LMO7: variants seen among roughly 807,000 people sequenced by gnomAD.
LMO7 encodes the protein LIM domain 7, also known as LIM domain only protein 7.
A neutral mutation model predicts 206.5 loss-of-function variants in LMO7; 120 were observed. That is an observed-to-expected ratio of 0.58 (90% CI 0.50 to 0.68). The LOEUF is 0.68. Ranked by LOEUF, LMO7 falls within the 30% of genes least tolerant of loss-of-function variation. LMO7 has a pLI of 0.00. For missense variants in LMO7, 1,959 were observed against 1,957.9 expected, an observed-to-expected ratio of 1.00 and a Z score of -0.01; for synonymous variants, 706 against 681.5, an observed-to-expected ratio of 1.04 and a Z score of -0.56.
intron 2 of LMO7, among the ~76,000 whole-genome samples, chr13:75,630,799 C>T (rs1225646468): frequency 6.7e-6 from 1 of 150,226 alleles, no homozygotes; most frequent in African/African-American, 2.4e-5. Flanking sequence ...TTATACACTG[C>T]CTGTTTTCTT....
At chr13:75,717,302 G>T (rs1021198322) in intron 2 of LMO7, among the ~76,000 whole-genome samples, 2 of 148,788 alleles carry the variant, frequency 1.3e-5, no homozygotes, top group African/African-American at 5.0e-5. Context: ...GGCGGAGCTT[G>T]CAGTGAGTGG....
chr13:75,795,537 A>G (rs1252136838), intron 5 of LMO7, 106 bp downstream of exon 5: 39 of 771,148 alleles, frequency 5.1e-5, no homozygotes, highest in Non-Finnish European at 2.4e-5. Flanking sequence ...TTTCTAATTA[A>G]TTTTTTGCTA....
intron 15 of LMO7, 86 bp from the exon 16 acceptor site, chr13:75,832,965 T>C (rs1299798137): frequency 2.5e-5 from 18 of 728,846 alleles, no homozygotes; most frequent in Non-Finnish European, 4.3e-5. Flanking sequence ...CTACCTAGCG[T>C]GCAGTCTCCC....
intron 3 of LMO7, among the ~76,000 whole-genome samples, chr13:75,737,479 C>T (rs535666856): frequency 6.7e-5 from 10 of 149,658 alleles, no homozygotes; most frequent in Non-Finnish European, 1.0e-4. Flanking sequence ...CTTGGCCGGG[C>T]GCGGTGGCTC....
intron 4 of LMO7, among the ~76,000 whole-genome samples, chr13:75,764,208 T>C (rs1405242710): frequency 6.6e-6 from 1 of 152,150 alleles, no homozygotes; most frequent in African/African-American, 2.4e-5. Flanking sequence ...TAAGCAAATT[T>C]ATGATTTAGT....
intron 1 of LMO7, among the ~76,000 whole-genome samples, chr13:75,689,572 T>G (rs2041288111): frequency 6.6e-6 from 1 of 152,162 alleles, no homozygotes. Flanking sequence ...AGACCCACCC[T>G]CAATCTGGGT....
At chr13:75,751,817 G>T (rs2047291119) in intron 3 of LMO7, among the ~76,000 whole-genome samples, 1 of 152,160 alleles carries the variant, frequency 6.6e-6, no homozygotes, top group African/African-American at 2.4e-5. Context: ...GGTCTAACTG[G>T]CTTGATCTTA....
intron 1 of LMO7, among the ~76,000 whole-genome samples, chr13:75,669,786 C>A (rs187893537): frequency 6.6e-6 from 1 of 152,024 alleles, no homozygotes; most frequent in Non-Finnish European, 1.5e-5. Flanking sequence ...ACTTATTTTT[C>A]CCTTTATTTT....
At chr13:75,770,081 G>A (rs781662985) in intron 4 of LMO7, among the ~76,000 whole-genome samples, 10 of 151,840 alleles carry the variant, frequency 6.6e-5, no homozygotes, top group South Asian at 2.1e-4. Flanking sequence ...TAGAGCACAC[G>A]CACACATTAT....
intron 7 of LMO7, among the ~76,000 whole-genome samples, chr13:75,803,914 G>C (rs2055103797): frequency 6.6e-6 from 1 of 151,718 alleles, no homozygotes; most frequent in Admixed American, 6.6e-5. Context: ...AGTTCTCCCA[G>C]AATTATTTTT....
At chr13:75,717,060 T>TCA (rs964522914) in intron 2 of LMO7, among the ~76,000 whole-genome samples, 10 of 151,818 alleles carry the variant, frequency 6.6e-5, no homozygotes, top group African/African-American at 2.4e-4. Context: ...AACACATGAC[T>TCA]CACAGTAAGA....
chr13:75,663,523 CG>C (rs1485401553), intron 1 of LMO7, among the ~76,000 whole-genome samples: 13 of 149,464 alleles, frequency 8.7e-5, no homozygotes, highest in Admixed American at 5.4e-4. Context: ...CTCTGCCTCC[CG>C]GGTTCACACC....
intron 1 of LMO7, among the ~76,000 whole-genome samples, chr13:75,702,187 A>T (rs2042328843): frequency 6.6e-6 from 1 of 152,062 alleles, no homozygotes; most frequent in Non-Finnish European, 1.5e-5. Flanking sequence ...TTATAAAGAC[A>T]GTTAGCTTTT....
chr13:75,727,006 A>T (rs1417534754), intron 2 of LMO7, 23 bp from the exon 3 acceptor site: 1 of 1,331,074 alleles, frequency 7.5e-7, no homozygotes, highest in Non-Finnish European at 1.1e-6. Context: ...TTGTAATTGC[A>T]TCTGTTATTT....
rs1269290100 is a variant in LMO7, at chr13:75,858,875, GT to G, written c.*933del. The G allele has an allele frequency of 1.3e-5, 2 of 152,160 alleles. No individual in the cohort carries two copies. The highest frequency in any genetic ancestry group is 1.3e-4 in the Admixed American group (2 of 15,260). 9.4% of individuals were successfully genotyped at this position (152,160 alleles called of 1,614,324 possible). ...TGTATACCTTCGAAACTATGCCACA[GT>G]CTGGATGTGTTTACTGAAACATTTT... On this transcript the variant is annotated 3_prime_UTR_variant, in exon 31 of 31. Coordinates refer to ENST00000377534, the MANE Select transcript of LMO7 (RefSeq NM_001306080.2).
chr13:75,696,287 G>A (rs1245840707), intron 1 of LMO7, among the ~76,000 whole-genome samples: 2 of 152,088 alleles, frequency 1.3e-5, no homozygotes, highest in East Asian at 3.9e-4. Context: ...CCTGGGAGGC[G>A]CAGGTTGCAG....
chr13:75,749,711 G>A (rs1344082352), intron 3 of LMO7, among the ~76,000 whole-genome samples: 1 of 152,108 alleles, frequency 6.6e-6, no homozygotes, highest in African/African-American at 2.4e-5. Context: ...GTGTCTCTTG[G>A]CAATTCCTTT....
chr13:75,776,182 T>TATATATCGG (rs2050434043), intron 4 of LMO7, among the ~76,000 whole-genome samples: 1 of 78,370 alleles, frequency 1.3e-5, no homozygotes, highest in African/African-American at 5.2e-5. Flanking sequence ...TATATATATA[T>TATATATCGG]ATATATATAT....
At chr13:75,727,753 C>A (rs1271212411) in intron 3 of LMO7, among the ~76,000 whole-genome samples, 1 of 151,342 alleles carries the variant, frequency 6.6e-6, no homozygotes, top group Non-Finnish European at 1.5e-5. Flanking sequence ...TTAGGTATAT[C>A]TCCTAATGCT....
Sources: allele counts gnomAD v4.1 joint callset (sites outside exome capture counted in the v4.1 genomes callset), GRCh38; gene constraint gnomAD v4.1.1; transcripts MANE v1.5; gene names NCBI Gene and HGNC (gene_info 2026-07-23, HGNC 2026-07-21).